EIF2AK3: variants seen among roughly 807,000 people sequenced by gnomAD.
The protein encoded by EIF2AK3 is eukaryotic translation initiation factor 2-alpha kinase 3.
A neutral mutation model predicts 113.5 loss-of-function variants in EIF2AK3; 50 were observed. That is an observed-to-expected ratio of 0.44 (90% CI 0.35 to 0.56). EIF2AK3 has a LOEUF of 0.56. Among genes scored for constraint, EIF2AK3 ranks in the 20% least tolerant of loss-of-function variants. The pLI is 0.00. For synonymous variants in EIF2AK3, 448 were observed against 495.4 expected, an observed-to-expected ratio of 0.90 and a Z score of 1.27; for missense variants, 1,185 against 1,378.0, an observed-to-expected ratio of 0.86 and a Z score of 2.22.
intron 15 of EIF2AK3, 57 bp from the exon 16 acceptor site, chr2:88,559,036 A>G (rs1673868444): frequency 1.7e-6 from 2 of 1,206,882 alleles, no homozygotes; most frequent in Admixed American, 3.7e-5. Context: ...ACATGAAAAT[A>G]TTTTTTGATA....
intron 12 of EIF2AK3, 37 bp from the exon 13 acceptor site, chr2:88,575,483 T>C (rs1263577481): frequency 6.3e-7 from 1 of 1,597,920 alleles, no homozygotes; most frequent in East Asian, 2.2e-5. Context: ...TAAGAGTGAA[T>C]ATATATTGAT....
intron 2 of EIF2AK3, among the ~76,000 whole-genome samples, chr2:88,599,910 T>C (rs1393068403): frequency 6.6e-6 from 1 of 152,192 alleles, no homozygotes; most frequent in Non-Finnish European, 1.5e-5. Context: ...ACCAACAGAC[T>C]GACCAACCAA....
chr2:88,557,438 T>A lies in EIF2AK3; in HGVS notation c.*298A>T, dbSNP rs1458903879. On this transcript the variant is annotated 3_prime_UTR_variant, in exon 17 of 17. Coordinates refer to ENST00000303236, the MANE Select transcript of EIF2AK3 (RefSeq NM_004836.7). Reference sequence around the variant, plus strand: ...TTTAGTTCTCACTATATATATATATTAGGGATTGCTGCTACCTCCTTAGGC... The same window carrying A: ...TTTAGTTCTCACTATATATATATATAAGGGATTGCTGCTACCTCCTTAGGC... 4.7e-6 allele frequency: 2 copies of A among 428,390 alleles called. No homozygotes were observed. The highest frequency in any genetic ancestry group is 4.3e-6 in the Non-Finnish European group (1 of 231,838). 26.5% of individuals were successfully genotyped at this position (428,390 alleles called of 1,614,324 possible).
intron 12 of EIF2AK3, among the ~76,000 whole-genome samples, chr2:88,576,340 A>G (rs948663897): frequency 1.3e-5 from 2 of 152,122 alleles, no homozygotes; most frequent in African/African-American, 4.8e-5. Flanking sequence ...TCGGCCTCCC[A>G]AAGTGCTGGG....
intron 12 of EIF2AK3, 117 bp from the exon 13 acceptor site, chr2:88,575,563 C>G: frequency 9.8e-7 from 1 of 1,016,214 alleles, no homozygotes; most frequent in South Asian, 1.3e-5. Flanking sequence ...CAAATGACAA[C>G]AAAACAACAT....
At position 88,615,259 on chromosome 2, in the gene EIF2AK3, G is replaced by A. The variant is rs558709561; in HGVS notation, c.309-1406C>T. Among the ~76,000 whole-genome samples, 24 of 152,284 alleles carry A rather than the reference G, an allele frequency of 1.6e-4. No individual in the cohort carries two copies. In the South Asian group the frequency reaches 3.1e-3, roughly 20 times the overall value. ...CAACAGAGCTCCCCCTTACGCATTC[G>A]TGAGGTCTTGCTCCTGCAAATGTCT... On this transcript the variant is annotated intron_variant, in intron 1 of 16. Coordinates refer to ENST00000303236, the MANE Select transcript of EIF2AK3 (RefSeq NM_004836.7).
intron 2 of EIF2AK3, among the ~76,000 whole-genome samples, chr2:88,605,945 G>A (rs552120845): frequency 1.3e-4 from 20 of 152,192 alleles, no homozygotes; most frequent in African/African-American, 4.6e-4. Flanking sequence ...TAACGGGAGG[G>A]GTAATGAGAT....
chr2:88,614,817 T>C (rs1162815655), intron 1 of EIF2AK3, among the ~76,000 whole-genome samples: 1 of 152,232 alleles, frequency 6.6e-6, no homozygotes, highest in African/African-American at 2.4e-5. Context: ...CTGGAAGAAC[T>C]GGTTAAAGTC....
chr2:88,590,384 G>A (rs1674851340), intron 6 of EIF2AK3, 59 bp downstream of exon 6: 1 of 1,575,566 alleles, frequency 6.3e-7, no homozygotes, highest in African/African-American at 1.3e-5. Context: ...AAGGAACAAT[G>A]TAAGAAGAAA....
At chr2:88,573,547 CA>C (rs1265080553) in intron 13 of EIF2AK3, among the ~76,000 whole-genome samples, 1 of 152,126 alleles carries the variant, frequency 6.6e-6, no homozygotes, top group Non-Finnish European at 1.5e-5. Context: ...CCAATCCAAC[CA>C]AATAATTCAT....
At chr2:88,578,390 A>C (rs1039656256) in intron 11 of EIF2AK3, among the ~76,000 whole-genome samples, 4 of 151,836 alleles carry the variant, frequency 2.6e-5, no homozygotes, top group African/African-American at 9.7e-5. Flanking sequence ...TCTACTAAAA[A>C]TACAAAAATT....
intron 14 of EIF2AK3, among the ~76,000 whole-genome samples, chr2:88,567,472 A>C (rs1438434472): frequency 1.3e-5 from 2 of 152,196 alleles, no homozygotes; most frequent in Non-Finnish European, 1.5e-5. Context: ...TGTTCTTACC[A>C]TCGTCCATTT....
chr2:88,562,140 C>T (rs1045515993), intron 15 of EIF2AK3, 149 bp downstream of exon 15: 10 of 663,184 alleles, frequency 1.5e-5, no homozygotes, highest in Middle Eastern at 4.0e-4. Context: ...TAGTCTAGAA[C>T]TCCTCTCTGT....
At chr2:88,611,568 CT>C (rs1302699566) in intron 2 of EIF2AK3, among the ~76,000 whole-genome samples, 1 of 151,544 alleles carries the variant, frequency 6.6e-6, no homozygotes. Flanking sequence ...TATCAGGATT[CT>C]TTTCCTGCAT....
intron 2 of EIF2AK3, among the ~76,000 whole-genome samples, chr2:88,602,437 G>A (rs915617115): frequency 6.6e-6 from 1 of 152,028 alleles, no homozygotes. Context: ...AGGAGAAGAG[G>A]GGGTAAGAAA....
At position 88,626,973 on chromosome 2, in the gene EIF2AK3, C is replaced by T. The variant is rs758371991; in HGVS notation, c.302G>A (p.Arg101His). 5 of 1,608,842 alleles carry T rather than the reference C, an allele frequency of 3.1e-6. No homozygotes were observed. Among genetic ancestry groups the T allele is most frequent in the Non-Finnish European group, 4.2e-6 (5 of 1,178,682 alleles). The change falls in exon 1 of 17, where the codon CGC (arginine) becomes CAC (histidine). Residue 101 changes from arginine to histidine, a missense_variant. Arg to His is a conservative substitution (Grantham distance 29). Transcript: ENST00000303236. ...CGGGTCGGCAGCCCCTCACCTGCCG[C>T]GCGGTCGCAACTCTGTCTCATCGTC... The part of the protein sequence containing the change: ...EPDDETELRP[R>H]GRSLVIISTL...
At chr2:88,584,316 A>T (rs879848620) in intron 9 of EIF2AK3, among the ~76,000 whole-genome samples, 31 of 152,250 alleles carry the variant, frequency 2.0e-4, no homozygotes, top group Non-Finnish European at 4.4e-5. Context: ...CAGGAGTTCC[A>T]GACCAGCCTG....
chr2:88,575,211 C>T lies in EIF2AK3; in HGVS notation c.2272G>A (p.Ala758Thr). Residue 758 changes from alanine to threonine, a missense_variant, in exon 13 of 17, where the codon GCA (alanine) becomes ACA (threonine). Transcript: ENST00000303236. Reference protein sequence around the residue: ...HEDISESVDAAYNLQDSCLTD... With the variant: ...HEDISESVDATYNLQDSCLTD... ...AGGCAACTGTCCTGGAGGTTGTATG[C>T]TGCATCCACTGACTCACTGATGTCC... The T allele has an allele frequency of 1.2e-6, 2 of 1,612,652 alleles. 1 individual carries two copies. The highest frequency in any genetic ancestry group is 2.2e-5 in the South Asian group (2 of 91,004).
intron 5 of EIF2AK3, 65 bp downstream of exon 5, chr2:88,590,749 CCAAT>C: frequency 6.3e-7 from 1 of 1,589,218 alleles, no homozygotes; most frequent in Middle Eastern, 1.7e-4. Context: ...TTCGTTCCAC[CCAAT>C]CAATAAGTTT....
Sources: gnomAD v4.1 joint callset for allele counts (sites outside exome capture counted in the v4.1 genomes callset) on GRCh38, gnomAD v4.1.1 for gene constraint, MANE v1.5 for transcripts, NCBI Gene and HGNC (gene_info 2026-07-23, HGNC 2026-07-21) for gene names.